Variants in CA2 observed in about 807,000 individuals in gnomAD.
CA2 encodes the protein carbonic anhydrase 2.
In CA2, 23 loss-of-function variants were observed where a neutral mutation model predicts 27.8. The ratio of observed to expected loss-of-function variants is 0.83; its 90% CI spans 0.59 to 1.17. The LOEUF (loss-of-function observed/expected upper bound fraction) is 1.17. Among genes scored for constraint, CA2 ranks in the 50% most tolerant of loss-of-function variants. The probability of loss-of-function intolerance (pLI) is 0.00; values close to 1 mark genes in which losing one functional copy is unlikely to be tolerated. For synonymous variants in CA2, 99 were observed against 114.9 expected, an observed-to-expected ratio of 0.86 and a Z score of 0.88; for missense variants, 300 against 314.7, an observed-to-expected ratio of 0.95 and a Z score of 0.35.
Position 85,475,867 on chromosome 8 carries a change from T to C in CA2, c.507+7T>C. The stretch of plus-strand genomic sequence containing the variant: ...GGATTCCATTAAAACAAAGGTAAAT[T>C]TGAATTTTCTGCCACCTCCTTAGGG... On this transcript the variant is annotated splice_region_variant and intron_variant, in intron 5 of 6. Transcript: ENST00000285379. 1 of 1,613,000 alleles carries C rather than the reference T, an allele frequency of 6.2e-7. No individual in the cohort carries two copies. Among genetic ancestry groups the C allele is most frequent in the Non-Finnish European group, 8.5e-7 (1 of 1,179,058 alleles).
intron 2 of CA2, 37 bp from the exon 3 acceptor site, chr8:85,473,656 C>A: frequency 1.0e-6 from 1 of 983,724 alleles, no homozygotes; most frequent in Non-Finnish European, 1.6e-6. Flanking sequence ...CAGATACATA[C>A]ATATATGTTA....
intron 2 of CA2, among the ~76,000 whole-genome samples, chr8:85,466,855 T>C (rs1187945722): frequency 6.6e-6 from 1 of 152,196 alleles, no homozygotes; most frequent in Non-Finnish European, 1.5e-5. Context: ...ATAATTAAAT[T>C]AAACAATTTT....
chr8:85,465,388 T>C lies in CA2; in HGVS notation c.151T>C (p.Tyr51His), dbSNP rs773780542. Reference sequence around the variant, plus strand: ...TTCCCTGAAGCCCCTGTCTGTTTCCTATGATCAAGCAACTTCCCTGAGGAT... The same window carrying C: ...TTCCCTGAAGCCCCTGTCTGTTTCCCATGATCAAGCAACTTCCCTGAGGAT... Reference protein sequence around the residue: ...DPSLKPLSVSYDQATSLRILN... With the variant: ...DPSLKPLSVSHDQATSLRILN... Residue 51 changes from tyrosine to histidine, a missense_variant, in exon 2 of 7, where the codon TAT (tyrosine) becomes CAT (histidine). Physicochemically the swap from Tyr to His is moderately conservative, Grantham distance 83 (BLOSUM62 2). Coordinates refer to ENST00000285379, the MANE Select transcript of CA2 (RefSeq NM_000067.3). 1.2e-6 allele frequency: 2 copies of C among 1,614,240 alleles called. No individual in the cohort carries two copies. Among genetic ancestry groups the C allele is most frequent in the Admixed American group, 1.7e-5 (1 of 60,034 alleles).
chr8:85,475,753 G>A, intron 4 of CA2, 45 bp from the exon 5 acceptor site: 2 of 1,566,818 alleles, frequency 1.3e-6, no homozygotes, highest in African/African-American at 1.3e-5. Context: ...AACTGGTACA[G>A]TACCAACTGG....
At chr8:85,466,081 A>G (rs953289959) in intron 2 of CA2, among the ~76,000 whole-genome samples, 1 of 150,996 alleles carries the variant, frequency 6.6e-6, no homozygotes, top group African/African-American at 2.4e-5. Flanking sequence ...GACAAAACCA[A>G]TTACCGTATT....
chr8:85,467,955 G>T (rs1362077028), intron 2 of CA2, among the ~76,000 whole-genome samples: 1 of 152,186 alleles, frequency 6.6e-6, no homozygotes, highest in Non-Finnish European at 1.5e-5. Flanking sequence ...TTAAATGCAT[G>T]GGAAGCTAAG....
At chr8:85,471,609 C>A (rs997274515) in intron 2 of CA2, among the ~76,000 whole-genome samples, 5 of 152,022 alleles carry the variant, frequency 3.3e-5, no homozygotes, top group African/African-American at 1.2e-4. Context: ...AATTGGTTAT[C>A]TCAGATTCTT....
chr8:85,470,875 C>T (rs923267428), intron 2 of CA2, among the ~76,000 whole-genome samples: 2 of 151,750 alleles, frequency 1.3e-5, no homozygotes, highest in African/African-American at 2.4e-5. Flanking sequence ...CCTCACAGAA[C>T]CCATTTCTGG....
chr8:85,468,212 C>G (rs117052373), intron 2 of CA2, among the ~76,000 whole-genome samples: 1 of 152,088 alleles, frequency 6.6e-6, no homozygotes, highest in Non-Finnish European at 1.5e-5. Context: ...ATGTCTTGGA[C>G]GAGAGTCCAG....
At chr8:85,479,119 G>T (rs1015984896) in intron 6 of CA2, among the ~76,000 whole-genome samples, 1 of 151,276 alleles carries the variant, frequency 6.6e-6, no homozygotes, top group East Asian at 2.0e-4. Context: ...ATGGGGGGGC[G>T]TGGATTTTAG....
In CA2 at chr8:85,465,438, C is replaced by G. The variant is rs201300516; in HGVS notation, c.201C>G (p.Asn67Lys). ...LRILNNGHAF[N>K]VEFDDSQDKA... ...TCCTCAACAATGGTCATGCTTTCAA[C>G]GTGGAGTTTGATGACTCTCAGGACA... Residue 67 changes from asparagine (N) to lysine (K), a missense_variant, in exon 2 of 7, where the codon AAC becomes AAG. By Grantham distance (94) the Asn-to-Lys change is moderately conservative. Transcript: ENST00000285379. The G allele has an allele frequency of 2.0e-5, 33 of 1,614,018 alleles. No homozygotes were observed. Among genetic ancestry groups the G allele is most frequent in the Non-Finnish European group, 2.8e-5 (33 of 1,180,008 alleles).
intron 2 of CA2, among the ~76,000 whole-genome samples, chr8:85,469,310 G>A (rs561288046): frequency 6.6e-6 from 1 of 152,112 alleles, no homozygotes; most frequent in Non-Finnish European, 1.5e-5. Flanking sequence ...CTCATAGATT[G>A]AGGTTTTCCA....
In CA2 at chr8:85,473,753, GT is replaced by G. The variant is rs1376592070; in HGVS notation, c.295del (p.Ser99HisfsTer45). ...YRLIQFHFHW[G>X]SLDGQGSEHT... Reference sequence around the variant, plus strand: ...TTGATTCAGTTTCACTTTCACTGGGGTTCACTTGATGGACAAGGTTCAGAGC... The same window carrying G: ...TTGATTCAGTTTCACTTTCACTGGGGTCACTTGATGGACAAGGTTCAGAGC... On this transcript the variant is annotated frameshift_variant, in exon 3 of 7. Coordinates refer to ENST00000285379, the MANE Select transcript of CA2 (RefSeq NM_000067.3). LOFTEE classifies it high-confidence loss of function. 6.2e-7 allele frequency: 1 copy of G among 1,613,054 alleles called. No homozygotes were observed. The highest frequency in any genetic ancestry group is 1.7e-5 in the Admixed American group (1 of 60,016).
At position 85,475,664 on chromosome 8, in the gene CA2, A is replaced by G. The variant is rs140828879; in HGVS notation, c.445-134A>G. On this transcript the variant is annotated intron_variant, in intron 4 of 6. Coordinates refer to ENST00000285379, the MANE Select transcript of CA2 (RefSeq NM_000067.3). Reference sequence around the variant, plus strand: ...TGTCAGTGTCATCAAGCCAGTACTGATGGGGGTCATGTATGAAGTGGAGAA... The same window carrying G: ...TGTCAGTGTCATCAAGCCAGTACTGGTGGGGGTCATGTATGAAGTGGAGAA... The G allele has an allele frequency of 5.5e-4, 422 of 767,624 alleles. 3 individuals are homozygous for G. In the East Asian group the frequency reaches 0.011, roughly 20 times the overall value. 47.6% of individuals were successfully genotyped at this position (767,624 alleles called of 1,614,324 possible).
chr8:85,477,617 G>T (rs1811824000), intron 6 of CA2, among the ~76,000 whole-genome samples: 1 of 151,728 alleles, frequency 6.6e-6, no homozygotes, highest in Non-Finnish European at 1.5e-5. Flanking sequence ...GGTTACGCAG[G>T]TATCAGTGAG....
At chr8:85,466,701 C>T (rs997530827) in intron 2 of CA2, among the ~76,000 whole-genome samples, 3 of 151,958 alleles carry the variant, frequency 2.0e-5, no homozygotes, top group Non-Finnish European at 4.4e-5. Flanking sequence ...CACACACACA[C>T]ACACTTACAA....
At chr8:85,464,151 G>C (rs1288808450) in intron 1 of CA2, 36 bp downstream of exon 1, 2 of 1,247,252 alleles carry the variant, frequency 1.6e-6, no homozygotes, top group African/African-American at 1.5e-5. Flanking sequence ...GGGGCGCCCC[G>C]ATCCCCGATC....
intron 6 of CA2, among the ~76,000 whole-genome samples, chr8:85,478,997 T>C (rs1811847739): frequency 6.6e-6 from 1 of 152,200 alleles, no homozygotes; most frequent in Admixed American, 6.5e-5. Flanking sequence ...TAGAATTGTG[T>C]TTCTTGCTCA....
chr8:85,479,397 AC>A (rs1811854288), intron 6 of CA2, among the ~76,000 whole-genome samples: 1 of 152,176 alleles, frequency 6.6e-6, no homozygotes, highest in Non-Finnish European at 1.5e-5. Flanking sequence ...GCATTCAGTA[AC>A]CATAGCTGTG....
Sources: allele counts gnomAD v4.1 joint callset (sites outside exome capture counted in the v4.1 genomes callset), GRCh38; gene constraint gnomAD v4.1.1; transcripts MANE v1.5; gene names NCBI Gene and HGNC (gene_info 2026-07-23, HGNC 2026-07-21).